The following TRAF3IP1 variants were observed in gnomAD, a reference collection of about 807,000 sequenced individuals.
The protein encoded by TRAF3IP1 is intraflagellar transport 54, also known as TRAF3-interacting protein 1.
A neutral mutation model predicts 89.9 loss-of-function variants in TRAF3IP1; 53 were observed. The observed-to-expected ratio is 0.59, with a 90% confidence interval of 0.47 to 0.74. TRAF3IP1 has a LOEUF of 0.74. Ranked by LOEUF, TRAF3IP1 falls within the 30% of genes least tolerant of loss-of-function variation. The probability of loss-of-function intolerance (pLI) is 0.00; values close to 1 mark genes in which losing one functional copy is unlikely to be tolerated. For missense variants in TRAF3IP1, 806 were observed against 866.1 expected (o/e 0.93, Z 0.87); for synonymous variants, 311 against 322.1 (o/e 0.97, Z 0.37).
intron 15 of TRAF3IP1, among the ~76,000 whole-genome samples, chr2:238,394,085 A>G (rs950735208): frequency 6.6e-6 from 1 of 152,050 alleles, no homozygotes; most frequent in Admixed American, 6.6e-5. Flanking sequence ...GATCCCAGCT[A>G]CTTGGGAGGC....
chr2:238,395,137 A>G (rs4663890), intron 15 of TRAF3IP1, among the ~76,000 whole-genome samples: 32,670 of 152,094 alleles, frequency 0.21, 4,242 homozygotes, highest in Non-Finnish European at 0.28. Flanking sequence ...AGGGCAAGGC[A>G]GGAGGATCAC....
intron 15 of TRAF3IP1, among the ~76,000 whole-genome samples, chr2:238,359,188 A>T (rs1699554830): frequency 6.6e-6 from 1 of 152,258 alleles, no homozygotes. Context: ...TAGTTTCACC[A>T]GATAGGCCAC....
At position 238,355,246 on chromosome 2, in the gene TRAF3IP1, C is replaced by T. The variant is rs139128300; in HGVS notation, c.1613-758C>T. ...CTCTACCCTCTACTCTCCCTGTCTC[C>T]TCTACCCTCTACTCTCCCTGTCTCC... On this transcript the variant is annotated intron_variant, in intron 14 of 16. Coordinates refer to ENST00000373327, the MANE Select transcript of TRAF3IP1 (RefSeq NM_015650.4). Among the ~76,000 whole-genome samples, 154 of 152,154 alleles carry T rather than the reference C, an allele frequency of 1.0e-3. 2 individuals carry two copies. Among genetic ancestry groups the T allele is most frequent in the African/African-American group, 3.5e-3 (145 of 41,532 alleles).
rs1165279842 is a variant in TRAF3IP1 at position 238,400,771 on chromosome 2, G to C, written c.*1852G>C. 2 of 152,032 alleles carry C rather than the reference G, an allele frequency of 1.3e-5. No individual in the cohort carries two copies. The highest frequency in any genetic ancestry group is 4.8e-5 in the African/African-American group (2 of 41,392). The allele number at this position is 152,032 out of a possible 1,614,324, so 9.4% of individuals were successfully genotyped here. A position where few individuals can be genotyped will look rare whatever the true frequency, so the allele number is the denominator to read the frequency against. On this transcript the variant is annotated 3_prime_UTR_variant, in exon 17 of 17. Coordinates refer to ENST00000373327, the MANE Select transcript of TRAF3IP1 (RefSeq NM_015650.4). ...ATTTGTATATGTGAATAGAGTTTGG[G>C]GGTTGCCAAAAATTGCATACATTGT... is the stretch of plus-strand genomic sequence containing the variant.
At chr2:238,358,595 AG>A (rs1699527090) in intron 15 of TRAF3IP1, among the ~76,000 whole-genome samples, 2 of 152,158 alleles carry the variant, frequency 1.3e-5, no homozygotes, top group Non-Finnish European at 2.9e-5. Context: ...TGTTCCCCCG[AG>A]GGCAGTCCCC....
chr2:238,325,294 T>A lies in TRAF3IP1; in HGVS notation c.124-12T>A. 1.2e-6 allele frequency: 2 copies of A among 1,614,120 alleles called. No individual in the cohort carries two copies. The highest frequency in any genetic ancestry group is 1.7e-6 in the Non-Finnish European group (2 of 1,179,982). On this transcript the variant is annotated splice_polypyrimidine_tract_variant and intron_variant, in intron 1 of 16. Coordinates refer to ENST00000373327, the MANE Select transcript of TRAF3IP1 (RefSeq NM_015650.4). ...GTGAGGTGACATGGTGGCCTTTCTT[T>A]CTCTCTTGAAGGTGATTAGAATGAC...
intron 7 of TRAF3IP1, 43 bp downstream of exon 7, chr2:238,334,078 GTTTTTT>G: frequency 9.2e-7 from 1 of 1,089,384 alleles, no homozygotes; most frequent in East Asian, 2.9e-5. Context: ...ATGGATATTA[GTTTTTT>G]TTTTTTTTGT....
At position 238,351,834 on chromosome 2, in the gene TRAF3IP1, G is replaced by GGTGTGTGTGT. The variant is rs10527993; in HGVS notation, c.1452-969_1452-960dup. Among the ~76,000 whole-genome samples the GGTGTGTGTGT allele has an allele frequency of 4.0e-3, 568 of 140,944 alleles. 3 individuals are homozygous for GGTGTGTGTGT. Among genetic ancestry groups the GGTGTGTGTGT allele is most frequent in the African/African-American group, 0.014 (520 of 38,002 alleles). The allele number at this position is 140,944 out of a possible 152,430, so 92.5% of individuals were successfully genotyped here. On this transcript the variant is annotated intron_variant, in intron 12 of 16. Transcript: ENST00000373327. This position sits in a 1 kb window ranked among gnomAD's most constrained non-coding sequence, Gnocchi z 5.2. Reference sequence around the variant, plus strand: ...TGGCACTGAAGCAAGGGAGGATTTTGGTGTGTGTGTGTGTGTGTGTGTGTG... The same window carrying GGTGTGTGTGT: ...TGGCACTGAAGCAAGGGAGGATTTTGGTGTGTGTGTGTGTGTGTGTGTGTGTGTGTGTGTG...
At chr2:238,363,138 G>T (rs1404652380) in intron 15 of TRAF3IP1, among the ~76,000 whole-genome samples, 1 of 152,090 alleles carries the variant, frequency 6.6e-6, no homozygotes, top group Non-Finnish European at 1.5e-5. Context: ...CTCTAGCAAA[G>T]AATCAACTTT....
At chr2:238,375,435 C>T (rs550340151) in intron 15 of TRAF3IP1, among the ~76,000 whole-genome samples, 2 of 152,206 alleles carry the variant, frequency 1.3e-5, no homozygotes, top group East Asian at 1.9e-4. Flanking sequence ...TGTAGTTGTT[C>T]GGTTTTGAGT....
intron 15 of TRAF3IP1, among the ~76,000 whole-genome samples, chr2:238,385,989 A>G (rs2106371056): frequency 1.3e-5 from 2 of 152,360 alleles, no homozygotes; most frequent in Middle Eastern, 3.4e-3. Flanking sequence ...AAATCTTGAA[A>G]TTTAAAACAT....
intron 6 of TRAF3IP1, among the ~76,000 whole-genome samples, chr2:238,333,509 A>G (rs933517279): frequency 6.6e-6 from 1 of 151,994 alleles, no homozygotes; most frequent in Non-Finnish European, 1.5e-5. Context: ...TAGGGGAGAG[A>G]GGTGGTGAGA....
chr2:238,341,573 A>G (rs1413413040), intron 8 of TRAF3IP1, among the ~76,000 whole-genome samples: 1 of 148,950 alleles, frequency 6.7e-6, no homozygotes, highest in Non-Finnish European at 1.5e-5. Context: ...CTATTTGATG[A>G]CATTTAACTT....
At position 238,329,322 on chromosome 2, in the gene TRAF3IP1, C is replaced by T; in HGVS notation, c.895C>T (p.His299Tyr). The T allele has an allele frequency of 4.4e-6, 6 of 1,370,982 alleles. No individual in the cohort carries two copies. The highest frequency in any genetic ancestry group is 5.7e-6 in the Non-Finnish European group (6 of 1,053,982). The allele number at this position is 1,370,982 out of a possible 1,614,324, so 84.9% of individuals were successfully genotyped here. Residue 299 changes from histidine to tyrosine, a missense_variant, in exon 5 of 17, where the codon CAT (histidine) becomes TAT (tyrosine). Physicochemically the swap from His to Tyr is moderately conservative, Grantham distance 83 (BLOSUM62 2). Transcript: ENST00000373327. The stretch of plus-strand genomic sequence containing the variant: ...CCTGGACAGGGAGAAGAACAGAGAG[C>T]ATGACAAACCTGAGAAAAAGGTAAA... ...WDLDREKNREHDKPEKKSASS... is the reference protein window; with the variant it reads ...WDLDREKNREYDKPEKKSASS...
chr2:238,392,434 G>T (rs1701032171), intron 15 of TRAF3IP1, among the ~76,000 whole-genome samples: 1 of 152,036 alleles, frequency 6.6e-6, no homozygotes, highest in Non-Finnish European at 1.5e-5. Flanking sequence ...ACCACCATCA[G>T]TTCTCCATTT....
intron 15 of TRAF3IP1, among the ~76,000 whole-genome samples, chr2:238,373,748 A>G (rs1252873550): frequency 2.0e-5 from 3 of 152,142 alleles, no homozygotes; most frequent in Admixed American, 6.6e-5. Context: ...CACGATATTG[A>G]TTCTTCCTAT....
At chr2:238,383,852 G>A (rs548509820) in intron 15 of TRAF3IP1, among the ~76,000 whole-genome samples, 2 of 152,228 alleles carry the variant, frequency 1.3e-5, no homozygotes, top group African/African-American at 4.8e-5. Flanking sequence ...GTTATTCTTT[G>A]CATGGTGTTC....
intron 15 of TRAF3IP1, among the ~76,000 whole-genome samples, chr2:238,385,786 C>T (rs1574971023): frequency 6.6e-6 from 1 of 152,192 alleles, no homozygotes; most frequent in South Asian, 2.1e-4. Flanking sequence ...ATGGGAGTTT[C>T]ATCACCTGCT....
intron 15 of TRAF3IP1, among the ~76,000 whole-genome samples, chr2:238,382,257 A>G (rs1700581110): frequency 6.6e-6 from 1 of 152,212 alleles, no homozygotes; most frequent in South Asian, 2.1e-4. Context: ...GTATGCAGAC[A>G]GGAAGGCACT....
Sources: allele counts gnomAD v4.1 joint callset (sites outside exome capture counted in the v4.1 genomes callset), GRCh38; gene constraint gnomAD v4.1.1; non-coding constraint Gnocchi (gnomAD v3.1); transcripts MANE v1.5; gene names NCBI Gene and HGNC (gene_info 2026-07-23, HGNC 2026-07-21).